The following LRFN2 variants were observed in gnomAD, a reference collection of about 807,000 sequenced individuals.
The protein encoded by LRFN2 is leucine-rich repeat and fibronectin type-III domain-containing protein 2.
In LRFN2, 18 loss-of-function variants were observed where a neutral mutation model predicts 37.3. The observed-to-expected ratio is 0.48, with a 90% CI of 0.33 to 0.72. The LOEUF is 0.72. Ranked by LOEUF, LRFN2 falls within the 30% of genes least tolerant of loss-of-function variation. The probability of loss-of-function intolerance (pLI) is 0.02; values close to 1 mark genes in which losing one functional copy is unlikely to be tolerated. For missense variants in LRFN2, 1,006 were observed against 1,060.7 expected (o/e 0.95, Z 0.72); for synonymous variants, 556 against 466.6 (o/e 1.19, Z -2.47).
At chr6:40,515,892 C>CTAA (rs1765854951) in intron 1 of LRFN2, among the ~76,000 whole-genome samples, 1 of 91,786 alleles carries the variant, frequency 1.1e-5, no homozygotes, top group African/African-American at 4.1e-5. Flanking sequence ...GACTCCATAT[C>CTAA]AAAAAAAAAA....
Position 40,432,114 on chromosome 6 carries a change from A to G in LRFN2, c.1000T>C (p.Ser334Pro). Reference sequence around the variant, plus strand: ...CCATTGTCATAGACAGCGGTCCTTGAGGAGTTCCCTACCAGGCGGTCATCG... The same window carrying G: ...CCATTGTCATAGACAGCGGTCCTTGGGGAGTTCCCTACCAGGCGGTCATCG... The part of the protein sequence containing the change: ...APDDRLVGNS[S>P]RTAVYDNGTL... Residue 334 changes from serine to proline, a missense_variant, in exon 2 of 3, where the codon TCA (serine) becomes CCA (proline). Ser to Pro is a moderately conservative substitution (Grantham distance 74, BLOSUM62 -1). This residue lies in a region of LRFN2 where 303 missense variants were observed against 299.8 expected (regional missense o/e 1.01). Transcript: ENST00000338305. 1 of 1,613,822 alleles carries G rather than the reference A, an allele frequency of 6.2e-7. No homozygotes were observed. The highest frequency in any genetic ancestry group is 1.1e-5 in the South Asian group (1 of 91,072).
chr6:40,412,746 T>TA (rs1354215528), intron 2 of LRFN2, among the ~76,000 whole-genome samples: 2 of 152,328 alleles, frequency 1.3e-5, no homozygotes, highest in Middle Eastern at 3.4e-3. Context: ...CCCCCACTGA[T>TA]ACAAGTCCCT....
intron 1 of LRFN2, among the ~76,000 whole-genome samples, chr6:40,447,648 C>A (rs1395745159): frequency 6.6e-6 from 1 of 152,224 alleles, no homozygotes; most frequent in Non-Finnish European, 1.5e-5. Flanking sequence ...CACTTGAGTG[C>A]TGATTCTATG....
In LRFN2 at chr6:40,560,789, C is replaced by T. The variant is rs543958301; in HGVS notation, c.-19+26152G>A. Among the ~76,000 whole-genome samples the T allele has an allele frequency of 1.4e-4, 22 of 152,270 alleles. No homozygotes were observed. The South Asian group carries it at 1.9e-3, about 13-fold the overall frequency. The stretch of plus-strand genomic sequence containing the variant: ...TCATAGTATATCTGTTTCCATTATA[C>T]AAGTGTTGGTTATTTGTATGTTTCA... On this transcript the variant is annotated intron_variant, in intron 1 of 2. Coordinates refer to ENST00000338305, the MANE Select transcript of LRFN2 (RefSeq NM_020737.3).
At chr6:40,491,543 G>T (rs1765097662) in intron 1 of LRFN2, among the ~76,000 whole-genome samples, 1 of 146,366 alleles carries the variant, frequency 6.8e-6, no homozygotes, top group African/African-American at 2.6e-5. Context: ...ACTGTGGGTA[G>T]GTAGGCAGTT....
In LRFN2 at chr6:40,448,645, C is replaced by A. The variant is rs549570631; in HGVS notation, c.-18-15514G>T. ...CACTGCCTTTACCAAAGGACCGAAT[C>A]GCTAATGAATTTTTAGGCACTATCT... On this transcript the variant is annotated intron_variant, in intron 1 of 2. Coordinates refer to ENST00000338305, the MANE Select transcript of LRFN2 (RefSeq NM_020737.3). Among the ~76,000 whole-genome samples, 5 of 152,304 alleles carry A rather than the reference C, an allele frequency of 3.3e-5. No individual in the cohort carries two copies. The South Asian group carries it at 1.0e-3, about 32-fold the overall frequency.
intron 2 of LRFN2, among the ~76,000 whole-genome samples, chr6:40,395,898 G>A (rs1762604805): frequency 6.6e-6 from 1 of 152,146 alleles, no homozygotes; most frequent in South Asian, 2.1e-4. Context: ...AGAGGTGGAT[G>A]GACATCCTTG....
intron 1 of LRFN2, among the ~76,000 whole-genome samples, chr6:40,511,806 A>G (rs1005938197): frequency 1.3e-5 from 2 of 152,212 alleles, no homozygotes; most frequent in South Asian, 4.1e-4. Flanking sequence ...AATTATTCAA[A>G]GTTCTAATAT....
chr6:40,415,517 A>T (rs1037821656), intron 2 of LRFN2, among the ~76,000 whole-genome samples: 5 of 151,978 alleles, frequency 3.3e-5, no homozygotes, highest in African/African-American at 1.2e-4. Context: ...TGAGCCACGC[A>T]CCCGGCCTGA....
chr6:40,549,324 T>C (rs428394), intron 1 of LRFN2, among the ~76,000 whole-genome samples: 14,300 of 152,230 alleles, frequency 0.094, 799 homozygotes, highest in Non-Finnish European at 0.12. Context: ...ATCTGGTGAA[T>C]TGGCAAAACT....
chr6:40,444,419 C>G (rs1307612769), intron 1 of LRFN2, among the ~76,000 whole-genome samples: 1 of 152,184 alleles, frequency 6.6e-6, no homozygotes, highest in African/African-American at 2.4e-5. Context: ...AAAGAGCTGA[C>G]AGGCTGATCA....
At chr6:40,500,109 G>A (rs976391115) in intron 1 of LRFN2, among the ~76,000 whole-genome samples, 2 of 152,248 alleles carry the variant, frequency 1.3e-5, no homozygotes, top group African/African-American at 4.8e-5. Context: ...ACTGCAGACA[G>A]CAATGCCTGG....
intron 1 of LRFN2, among the ~76,000 whole-genome samples, chr6:40,581,617 C>A (rs1017369346): frequency 6.6e-6 from 1 of 152,220 alleles, no homozygotes; most frequent in Non-Finnish European, 1.5e-5. Flanking sequence ...ATCAAGTAAT[C>A]AATTCTACCC....
At chr6:40,512,962 C>T (rs1209815062) in intron 1 of LRFN2, among the ~76,000 whole-genome samples, 2 of 152,166 alleles carry the variant, frequency 1.3e-5, no homozygotes, top group Non-Finnish European at 2.9e-5. Flanking sequence ...TCCAGCTCAG[C>T]CAAGGTGAGC....
At chr6:40,514,778 C>T (rs1450520734) in intron 1 of LRFN2, among the ~76,000 whole-genome samples, 2 of 152,336 alleles carry the variant, frequency 1.3e-5, no homozygotes, top group Non-Finnish European at 2.9e-5. Flanking sequence ...TATAACCCTT[C>T]TCATTTCTCT....
intron 1 of LRFN2, among the ~76,000 whole-genome samples, chr6:40,463,519 T>C (rs1447416464): frequency 2.0e-5 from 3 of 152,128 alleles, no homozygotes; most frequent in Non-Finnish European, 4.4e-5. Context: ...CATCTTCCAA[T>C]GGGTGCTAGT....
chr6:40,477,928 T>C (rs1322143573), intron 1 of LRFN2, among the ~76,000 whole-genome samples: 1 of 152,226 alleles, frequency 6.6e-6, no homozygotes, highest in Admixed American at 6.5e-5. Context: ...GTTGTTTACA[T>C]GCACACCGGA....
intron 1 of LRFN2, among the ~76,000 whole-genome samples, chr6:40,576,895 C>T (rs2113797628): frequency 1.3e-5 from 2 of 151,960 alleles, no homozygotes; most frequent in Middle Eastern, 6.8e-3. Flanking sequence ...TTCCCATAGT[C>T]CCACACCAAC....
At chr6:40,441,895 G>A (rs1161386788) in intron 1 of LRFN2, among the ~76,000 whole-genome samples, 1 of 152,200 alleles carries the variant, frequency 6.6e-6, no homozygotes, top group African/African-American at 2.4e-5. Context: ...GAACCTGGAG[G>A]GAGACCAGAG....
Sources: allele counts gnomAD v4.1 joint callset (sites outside exome capture counted in the v4.1 genomes callset), GRCh38; gene constraint gnomAD v4.1.1; regional missense constraint gnomAD v4.1.1; transcripts MANE v1.5; gene names NCBI Gene and HGNC (gene_info 2026-07-23, HGNC 2026-07-21).